RCOR3: variants seen among roughly 807,000 people sequenced by gnomAD.
The protein encoded by RCOR3 is REST corepressor 3.
RCOR3 carries 13 observed loss-of-function variants against 64.1 expected under a neutral mutation model. The ratio of observed to expected loss-of-function variants is 0.20; its 90% CI spans 0.13 to 0.32. The LOEUF is 0.32. RCOR3 is among the 10% of genes least tolerant of loss of function. RCOR3 has a pLI of 1.00. For missense variants in RCOR3, 489 were observed against 701.2 expected (o/e 0.70, Z 3.42); for synonymous variants, 215 against 239.0 (o/e 0.90, Z 0.93).
At chr1:211,276,921 C>T (rs1191089044) in intron 5 of RCOR3, among the ~76,000 whole-genome samples, 1 of 151,794 alleles carries the variant, frequency 6.6e-6, no homozygotes, top group Non-Finnish European at 1.5e-5. Flanking sequence ...CCCGTCTCTA[C>T]TAAAAATACA....
At chr1:211,304,448 G>A (rs191004302) in intron 10 of RCOR3, among the ~76,000 whole-genome samples, 5 of 152,132 alleles carry the variant, frequency 3.3e-5, no homozygotes, top group South Asian at 2.1e-4. Context: ...AGTTGGGTTC[G>A]TTCTTACTAT....
intron 9 of RCOR3, among the ~76,000 whole-genome samples, chr1:211,299,004 C>G (rs1700115297): frequency 1.3e-5 from 2 of 149,566 alleles, no homozygotes; most frequent in African/African-American, 5.0e-5. Context: ...GAGACTCCGT[C>G]TCAAAAAAAA....
At chr1:211,308,573 T>C (rs1438529698) in intron 10 of RCOR3, among the ~76,000 whole-genome samples, 2 of 151,830 alleles carry the variant, frequency 1.3e-5, no homozygotes, top group Admixed American at 6.6e-5. Flanking sequence ...ATGTTCACTT[T>C]AAGAAATTTT....
intron 2 of RCOR3, chr1:211,261,098 T>G (rs1442240592): frequency 6.6e-6 from 1 of 152,072 alleles, no homozygotes. Flanking sequence ...GGACCCACCT[T>G]TTTTTTTCCT....
rs1693817860 is a variant in RCOR3 at position 211,259,638 on chromosome 1, A to T, written c.78A>T (p.Ala26=). 3 of 1,546,028 alleles carry T rather than the reference A, an allele frequency of 1.9e-6. No individual in the cohort carries two copies. Among genetic ancestry groups the T allele is most frequent in the Non-Finnish European group, 2.6e-6 (3 of 1,145,084 alleles). The change falls in exon 1 of 12, where the codon GCA becomes GCT. Residue 26 remains alanine, a synonymous_variant. Transcript: ENST00000419091. ...CCAACGGCAGCGCCAAGAGCCCGGCAGGCGGCGGCGGCAGCGGCGCCTCGT... is the reference window on the plus strand; with the variant it reads ...CCAACGGCAGCGCCAAGAGCCCGGCTGGCGGCGGCGGCAGCGGCGCCTCGT... ...RSANGSAKSP[A]GGGGSGASST... is the part of the protein sequence containing the mutation.
chr1:211,261,419 A>G (rs931143328), intron 2 of RCOR3, among the ~76,000 whole-genome samples: 7 of 152,226 alleles, frequency 4.6e-5, no homozygotes, highest in African/African-American at 1.7e-4. Context: ...AGTGTTCACT[A>G]GATTTGGGTT....
intron 2 of RCOR3, among the ~76,000 whole-genome samples, chr1:211,261,479 G>A (rs1222568072): frequency 6.6e-6 from 1 of 152,158 alleles, no homozygotes; most frequent in Non-Finnish European, 1.5e-5. Flanking sequence ...GACTATCAGT[G>A]TGTATACTGA....
rs3831956 is a variant in RCOR3, at chr1:211,314,005, GT to G, written c.*239del. On this transcript the variant is annotated 3_prime_UTR_variant, in exon 12 of 12. Transcript: ENST00000419091. ...CTTTCTAGAGTATATGTTCAGCAAT[GT>G]TGATCTCATAAAAGGAAAAACAAAA... 271,333 of 489,170 alleles carry G rather than the reference GT, an allele frequency of 0.55. 80,124 individuals carry two copies. The highest frequency in any genetic ancestry group is 0.61 in the Non-Finnish European group (168,189 of 276,764). The allele number at this position is 489,170 out of a possible 1,614,324, so 30.3% of individuals were successfully genotyped here.
intron 2 of RCOR3, chr1:211,267,720 T>G: frequency 7.7e-6 from 2 of 259,358 alleles, no homozygotes; most frequent in Non-Finnish European, 7.7e-6. Flanking sequence ...GCCTCTTGAG[T>G]AGTTGGGACT....
chr1:211,289,018 A>G (rs572907860), intron 7 of RCOR3, among the ~76,000 whole-genome samples, 160 bp from the exon 8 acceptor site: 3 of 151,956 alleles, frequency 2.0e-5, no homozygotes, highest in East Asian at 1.9e-4. Context: ...GGTGAGTGTT[A>G]TGTGTGTGTG....
chr1:211,276,366 T>A lies in RCOR3; in HGVS notation c.464T>A (p.Phe155Tyr). 1 of 1,614,014 alleles carries A rather than the reference T, an allele frequency of 6.2e-7. No individual in the cohort carries two copies. The highest frequency in any genetic ancestry group is 1.3e-5 in the African/African-American group (1 of 75,062). Reference sequence around the variant, plus strand: ...TGGACAGTGGAAGATAAAGTCCTATTTGAACAAGCCTTTAGTTTTCATGGA... The same window carrying A: ...TGGACAGTGGAAGATAAAGTCCTATATGAACAAGCCTTTAGTTTTCATGGA... ...DEWTVEDKVL[F>Y]EQAFSFHGKS... The change falls in exon 5 of 12, where the codon TTT becomes TAT. Residue 155 changes from phenylalanine (F) to tyrosine (Y), a missense_variant. Coordinates refer to ENST00000419091, the MANE Select transcript of RCOR3 (RefSeq NM_001136223.3).
chr1:211,306,975 A>G (rs953257752), intron 10 of RCOR3, among the ~76,000 whole-genome samples: 4 of 152,204 alleles, frequency 2.6e-5, no homozygotes, highest in Non-Finnish European at 5.9e-5. Context: ...AGGTATTTCT[A>G]CAGTTTTTAT....
At position 211,259,607 on chromosome 1, in the gene RCOR3, G is replaced by C. The variant is rs1025926113; in HGVS notation, c.47G>C (p.Arg16Pro). The C allele has an allele frequency of 3.2e-6, 5 of 1,548,218 alleles. No individual in the cohort carries two copies. The African/African-American group carries it at 5.5e-5, about 17-fold the overall frequency. The part of the protein sequence containing the change: ...EKGPELLGKN[R>P]SANGSAKSPA... ...GGGCCCGAGTTACTGGGGAAGAACC[G>C]ATCGGCCAACGGCAGCGCCAAGAGC... is the stretch of plus-strand genomic sequence containing the variant. The change falls in exon 1 of 12, where the codon CGA becomes CCA. Residue 16 changes from arginine (R) to proline (P), a missense_variant. By Grantham distance (103) the Arg-to-Pro change is moderately radical (BLOSUM62 -2). Transcript: ENST00000419091.
intron 10 of RCOR3, among the ~76,000 whole-genome samples, chr1:211,308,369 C>T (rs893455792): frequency 2.0e-5 from 3 of 152,058 alleles, no homozygotes; most frequent in African/African-American, 7.2e-5. Context: ...CCTTTTCTAC[C>T]TCTTAATATG....
chr1:211,261,914 A>T (rs1379070933), intron 2 of RCOR3, among the ~76,000 whole-genome samples: 1 of 35,696 alleles, frequency 2.8e-5, no homozygotes, highest in Non-Finnish European at 5.4e-5. Context: ...ACAGAGTGAG[A>T]CTCCATCTCA....
rs1701825625 is a variant in RCOR3, at chr1:211,315,590, A to G, written c.*1822A>G. 6.6e-6 allele frequency: 1 copy of G among 152,202 alleles called. No individual in the cohort carries two copies. The highest frequency in any genetic ancestry group is 1.5e-5 in the Non-Finnish European group (1 of 68,018). 9.4% of individuals were successfully genotyped at this position (152,202 alleles called of 1,614,324 possible). A position where few individuals can be genotyped will look rare whatever the true frequency, so the allele number is the denominator to read the frequency against. ...TTAAAATATCTAAAACATTTTTTAAAGCACTTAGATTGTCTTACGTATGTG... is the reference window on the plus strand; with the variant it reads ...TTAAAATATCTAAAACATTTTTTAAGGCACTTAGATTGTCTTACGTATGTG... On this transcript the variant is annotated 3_prime_UTR_variant, in exon 12 of 12. Transcript: ENST00000419091.
At chr1:211,278,061 A>G (rs1697261419) in intron 5 of RCOR3, 56 bp from the exon 6 acceptor site, 2 of 1,448,360 alleles carry the variant, frequency 1.4e-6, no homozygotes, top group Non-Finnish European at 1.9e-6. Context: ...TATCATCAAA[A>G]TTATTCATTT....
intron 2 of RCOR3, among the ~76,000 whole-genome samples, chr1:211,269,935 C>G (rs1695872934): frequency 6.6e-6 from 1 of 151,930 alleles, no homozygotes; most frequent in Admixed American, 6.6e-5. Flanking sequence ...CAAGACCAGC[C>G]TAGGCAGCAT....
chr1:211,272,638 T>TTC lies in RCOR3; in HGVS notation c.301+1330_301+1331insCT, dbSNP rs1298632683. Among the ~76,000 whole-genome samples, 19 of 134,114 alleles carry TTC rather than the reference T, an allele frequency of 1.4e-4. 1 individual carries two copies. Among genetic ancestry groups the TTC allele is most frequent in the African/African-American group, 5.4e-4 (19 of 35,314 alleles). The allele number at this position is 134,114 out of a possible 152,430, so 88.0% of individuals were successfully genotyped here. ...TTTTTTTTTTTTTTTTTTTTTTTTT[T>TTC]TGAGACGGAGTCTCGCTCTGTCGCC... On this transcript the variant is annotated intron_variant, in intron 3 of 11. Transcript: ENST00000419091.
Sources: allele counts gnomAD v4.1 joint callset (sites outside exome capture counted in the v4.1 genomes callset), GRCh38; gene constraint gnomAD v4.1.1; transcripts MANE v1.5; gene names NCBI Gene and HGNC (gene_info 2026-07-23, HGNC 2026-07-21).